The following ANO10 variants were observed in gnomAD, a reference collection of about 807,000 sequenced individuals.
The protein encoded by ANO10 is anoctamin 10, also known as anoctamin-10.
In ANO10, 77 loss-of-function variants were observed where a neutral mutation model predicts 74.7. The ratio of observed to expected loss-of-function variants is 1.03; its 90% CI spans 0.86 to 1.25. The LOEUF is 1.25. ANO10 is among the 50% of genes most tolerant of loss of function. The pLI is 0.00. For synonymous variants in ANO10, 279 were observed against 284.9 expected (o/e 0.98, Z 0.21); for missense variants, 721 against 778.1 (o/e 0.93, Z 0.87).
intron 11 of ANO10, among the ~76,000 whole-genome samples, chr3:43,538,687 A>G (rs546606064): frequency 1.3e-5 from 2 of 152,262 alleles, no homozygotes; most frequent in Non-Finnish European, 2.9e-5. Context: ...GGTCTTTTGG[A>G]CTTGAGGGTG....
In ANO10 at chr3:43,418,647, C is replaced by T. The variant is rs146124689; in HGVS notation, c.1914+13964G>A. On this transcript the variant is annotated intron_variant, in intron 12 of 12. Transcript: ENST00000292246. ...TTGATGCATTGGTTATCTATTACTG[C>T]GTAACAAATTATCCCAAAACTTAGT... Among the ~76,000 whole-genome samples the T allele has an allele frequency of 4.0e-3, 609 of 152,326 alleles. 3 individuals are homozygous for T. Among genetic ancestry groups the T allele is most frequent in the Non-Finnish European group, 6.6e-3 (447 of 68,032 alleles).
intron 8 of ANO10, among the ~76,000 whole-genome samples, chr3:43,562,434 A>G (rs1328967248): frequency 8.4e-6 from 1 of 119,278 alleles, no homozygotes; most frequent in Non-Finnish European, 1.6e-5. Flanking sequence ...CCTGGGCGGC[A>G]GAACGAGGCT....
At chr3:43,490,945 C>T (rs1434401535) in intron 11 of ANO10, among the ~76,000 whole-genome samples, 1 of 152,128 alleles carries the variant, frequency 6.6e-6, no homozygotes, top group Non-Finnish European at 1.5e-5. Context: ...AACTGGTGAG[C>T]AGCAGCTTCC....
In ANO10 at chr3:43,508,560, A is replaced by G. The variant is rs536972439; in HGVS notation, c.1797+41160T>C. 4.8e-3 allele frequency among the ~76,000 whole-genome samples: 736 copies of G among 152,326 alleles called. 7 individuals carry two copies. Among genetic ancestry groups the G allele is most frequent in the African/African-American group, 0.015 (641 of 41,564 alleles). ...GAACCAACCCAAATGTCCATCAATG[A>G]TAGACTGGATTAAGAAAATGTGGCA... On this transcript the variant is annotated intron_variant, in intron 11 of 12. Transcript: ENST00000292246.
intron 12 of ANO10, among the ~76,000 whole-genome samples, chr3:43,406,620 A>G (rs1204233159): frequency 2.6e-5 from 4 of 152,224 alleles, no homozygotes; most frequent in Admixed American, 2.6e-4. Context: ...ATTCATGACA[A>G]AGCATGCAGA....
At chr3:43,372,661 C>T (rs2091656017) in intron 12 of ANO10, 3 of 559,332 alleles carry the variant, frequency 5.4e-6, no homozygotes, top group Non-Finnish European at 9.7e-6. Context: ...TGCTGCACTC[C>T]TCGCATTACC....
At chr3:43,687,093 G>A (rs1368186599) in intron 1 of ANO10, among the ~76,000 whole-genome samples, 1 of 150,748 alleles carries the variant, frequency 6.6e-6, no homozygotes, top group African/African-American at 2.4e-5. Context: ...ATCATCCTGT[G>A]TCCTTCTTAT....
At position 43,481,232 on chromosome 3, in the gene ANO10, T is replaced by C. The variant is rs541209106; in HGVS notation, c.1798-48505A>G. Reference sequence around the variant, plus strand: ...AGACCCATTCTTTTGTTATTACTCTTAAAGGAATATTTGACCTTTAAAATT... The same window carrying C: ...AGACCCATTCTTTTGTTATTACTCTCAAAGGAATATTTGACCTTTAAAATT... On this transcript the variant is annotated intron_variant, in intron 11 of 12. Coordinates refer to ENST00000292246, the MANE Select transcript of ANO10 (RefSeq NM_018075.5). Among the ~76,000 whole-genome samples the C allele has an allele frequency of 6.6e-5, 10 of 152,298 alleles. No individual in the cohort carries two copies. In the East Asian group the frequency reaches 1.9e-3, roughly 29 times the overall value.
upstream of ANO10, among the ~76,000 whole-genome samples, chr3:43,622,714 A>C (rs1234218721): frequency 2.6e-5 from 4 of 151,762 alleles, no homozygotes; most frequent in Non-Finnish European, 5.9e-5. Flanking sequence ...TGCTTGGCTC[A>C]CTTCCTCACC....
chr3:43,555,217 C>T, intron 10 of ANO10, 61 bp downstream of exon 10: 2 of 1,547,872 alleles, frequency 1.3e-6, no homozygotes, highest in Non-Finnish European at 8.9e-7. Flanking sequence ...ATTTTTTTTC[C>T]CTGTCATAAC....
chr3:43,484,797 A>C (rs1010283258), intron 11 of ANO10, among the ~76,000 whole-genome samples: 7 of 152,158 alleles, frequency 4.6e-5, no homozygotes, highest in Non-Finnish European at 1.0e-4. Flanking sequence ...GAGAGGGTCC[A>C]TTCAGTTGGT....
At chr3:43,413,772 T>G (rs2092699036) in intron 12 of ANO10, among the ~76,000 whole-genome samples, 1 of 151,246 alleles carries the variant, frequency 6.6e-6, no homozygotes, top group Non-Finnish European at 1.5e-5. Context: ...ACAAATTGAC[T>G]GCACGGCTGA....
chr3:43,593,239 A>C (rs147308084), intron 4 of ANO10, among the ~76,000 whole-genome samples: 5,935 of 152,264 alleles, frequency 0.039, 163 homozygotes, highest in Non-Finnish European at 0.058. Flanking sequence ...CCAACATTCA[A>C]ATACAGGAAA....
intron 11 of ANO10, among the ~76,000 whole-genome samples, chr3:43,489,026 T>G (rs1257215494): frequency 6.6e-6 from 1 of 151,812 alleles, no homozygotes; most frequent in African/African-American, 2.4e-5. Flanking sequence ...TGTAGGGACA[T>G]GGATGAAATT....
chr3:43,403,511 C>T (rs959362238), intron 12 of ANO10, among the ~76,000 whole-genome samples: 2 of 152,242 alleles, frequency 1.3e-5, no homozygotes, highest in East Asian at 1.9e-4. Flanking sequence ...CCGGCTACTC[C>T]AAGTCTATGG....
At position 43,561,255 on chromosome 3, in the gene ANO10, G is replaced by C; in HGVS notation, c.1441C>G (p.Gln481Glu). The change falls in exon 9 of 13, where the codon CAA becomes GAA. Residue 481 changes from glutamine (Q) to glutamate (E), a missense_variant. Physicochemically the swap from Gln to Glu is conservative, Grantham distance 29. Coordinates refer to ENST00000292246, the MANE Select transcript of ANO10 (RefSeq NM_018075.5). Reference sequence around the variant, plus strand: ...CCCATTTCTTTTTCCAGGATGACTTGTTCATATAATGTAGCATCAATGTCT... The same window carrying C: ...CCCATTTCTTTTTCCAGGATGACTTCTTCATATAATGTAGCATCAATGTCT... ...KADIDATLYEQVILEKEMGTY... is the reference protein window; with the variant it reads ...KADIDATLYEEVILEKEMGTY... The C allele has an allele frequency of 6.2e-7, 1 of 1,614,122 alleles. No individual in the cohort carries two copies.
chr3:43,557,478 G>A (rs1167190945), intron 9 of ANO10, among the ~76,000 whole-genome samples: 4 of 152,092 alleles, frequency 2.6e-5, no homozygotes, highest in African/African-American at 9.7e-5. Flanking sequence ...GCTCACGCCT[G>A]TAATTCCAGC....
intron 11 of ANO10, chr3:43,485,366 G>A (rs1401802771): frequency 4.3e-6 from 2 of 468,046 alleles, no homozygotes; most frequent in Non-Finnish European, 7.9e-6. Context: ...GGCGCCCATT[G>A]CCGCTCCTGA....
At position 43,366,944 on chromosome 3, in the gene ANO10, C is replaced by T. The variant is rs1236145062; in HGVS notation, c.1945G>A (p.Glu649Lys). The change falls in exon 13 of 13, where the codon GAG becomes AAG. Residue 649 changes from glutamate (E) to lysine (K), a missense_variant. Glu to Lys is a moderately conservative substitution (Grantham distance 56). Coordinates refer to ENST00000292246, the MANE Select transcript of ANO10 (RefSeq NM_018075.5). ...QMKLVTENLK[E>K]EPMESGKEKA... ...TCCTTCCCGCTTTCCATTGGTTCCT[C>T]CTTCAGGTTCTCGGTCACGAGCTTC... is the stretch of plus-strand genomic sequence containing the variant. 4 of 1,601,660 alleles carry T rather than the reference C, an allele frequency of 2.5e-6. No homozygotes were observed. The highest frequency in any genetic ancestry group is 1.7e-5 in the Admixed American group (1 of 58,178).
Sources: gnomAD v4.1 joint callset for allele counts (sites outside exome capture counted in the v4.1 genomes callset) on GRCh38, gnomAD v4.1.1 for gene constraint, MANE v1.5 for transcripts, NCBI Gene and HGNC (gene_info 2026-07-23, HGNC 2026-07-21) for gene names.